The following ARHGAP11A variants were observed in gnomAD, a reference collection of about 807,000 sequenced individuals.
ARHGAP11A encodes rho GTPase-activating protein 11A.
A neutral mutation model predicts 60.5 loss-of-function variants in ARHGAP11A; 36 were observed. The ratio of observed to expected loss-of-function variants is 0.59; its 90% CI spans 0.46 to 0.79. ARHGAP11A has a LOEUF of 0.79. ARHGAP11A is among the 30% of genes least tolerant of loss of function. The probability of loss-of-function intolerance (pLI) is 0.00; values close to 1 mark genes in which losing one functional copy is unlikely to be tolerated. For synonymous variants in ARHGAP11A, 362 were observed against 415.5 expected, an observed-to-expected ratio of 0.87 and a Z score of 1.57; for missense variants, 1,071 against 1,199.2, an observed-to-expected ratio of 0.89 and a Z score of 1.58.
At position 32,637,482 on chromosome 15, in the gene ARHGAP11A, G is replaced by T. The variant is rs76126135; in HGVS notation, c.2709G>T (p.Gln903His). 1.9e-6 allele frequency: 3 copies of T among 1,613,952 alleles called. No individual in the cohort carries two copies. Among genetic ancestry groups the T allele is most frequent in the Non-Finnish European group, 2.5e-6 (3 of 1,180,036 alleles). The change falls in exon 12 of 12, where the codon CAG becomes CAT. Residue 903 changes from glutamine to histidine, a missense_variant. Coordinates refer to ENST00000361627, the MANE Select transcript of ARHGAP11A (RefSeq NM_014783.6). The part of the protein sequence containing the change: ...VSCIKSGPKE[Q>H]KSMSCEESNI... Reference sequence around the variant, plus strand: ...GTATCAAATCAGGTCCTAAAGAACAGAAGTCCATGTCATGTGAAGAGTCAA... The same window carrying T: ...GTATCAAATCAGGTCCTAAAGAACATAAGTCCATGTCATGTGAAGAGTCAA...
rs1005489101 is a variant in ARHGAP11A at position 32,631,275 on chromosome 15, A to G, written c.1105+1513A>G. On this transcript the variant is annotated intron_variant, in intron 8 of 11. Coordinates refer to ENST00000361627, the MANE Select transcript of ARHGAP11A (RefSeq NM_014783.6). ...AAGGCAACATTAGTCTGTAGTCCAT[A>G]GAGTATCTATTCATAATTGTCTCTT... 6.6e-5 allele frequency among the ~76,000 whole-genome samples: 10 copies of G among 150,646 alleles called. 1 individual carries two copies. In the East Asian group the frequency reaches 1.2e-3, roughly 18 times the overall value.
chr15:32,631,802 AG>A (rs2053592484), intron 8 of ARHGAP11A, among the ~76,000 whole-genome samples: 1 of 151,496 alleles, frequency 6.6e-6, no homozygotes, highest in African/African-American at 2.4e-5. Flanking sequence ...CAGCCTCCTG[AG>A]TAGTTGGGAT....
Position 32,637,278 on chromosome 15 carries a change from T to C in ARHGAP11A, c.2505T>C (p.Arg835=). The part of the protein sequence containing the change: ...IKVKSPLKFQ[R]TPVRQSVRRI... ...TCAAGTCACCTCTTAAGTTTCAGCG[T>C]ACTCCTGTTCGTCAGTCCGTCAGAA... Residue 835 remains arginine (R), a synonymous_variant, in exon 12 of 12, where the codon CGT becomes CGC. Coordinates refer to ENST00000361627, the MANE Select transcript of ARHGAP11A (RefSeq NM_014783.6). 3 of 1,614,262 alleles carry C rather than the reference T, an allele frequency of 1.9e-6. No homozygotes were observed. Among genetic ancestry groups the C allele is most frequent in the Non-Finnish European group, 2.5e-6 (3 of 1,180,042 alleles).
At chr15:32,625,722 G>A (rs2053442729) in intron 6 of ARHGAP11A, 89 bp downstream of exon 6, 3 of 1,389,024 alleles carry the variant, frequency 2.2e-6, no homozygotes, top group Admixed American at 2.2e-5. Context: ...TGTGGTATGT[G>A]CCTTTTTGGT....
At chr15:32,631,766 C>G (rs1020678262) in intron 8 of ARHGAP11A, among the ~76,000 whole-genome samples, 44 of 152,244 alleles carry the variant, frequency 2.9e-4, no homozygotes, top group Non-Finnish European at 4.3e-4. Flanking sequence ...ACATCCACCT[C>G]CGATGTTCAA....
chr15:32,617,184 T>G (rs1466720851), intron 1 of ARHGAP11A, among the ~76,000 whole-genome samples: 3 of 152,186 alleles, frequency 2.0e-5, no homozygotes, highest in Admixed American at 2.0e-4. Flanking sequence ...GCTAATAAAA[T>G]TAATATACGT....
chr15:32,617,767 C>T (rs1023339597), intron 1 of ARHGAP11A, among the ~76,000 whole-genome samples: 1 of 152,108 alleles, frequency 6.6e-6, no homozygotes, highest in East Asian at 1.9e-4. Flanking sequence ...CCACTGCACT[C>T]GGCCTTTTCA....
rs550711515 is a variant in ARHGAP11A at position 32,639,268 on chromosome 15, G to A, written c.*1423G>A. On this transcript the variant is annotated 3_prime_UTR_variant, in exon 12 of 12. Coordinates refer to ENST00000361627, the MANE Select transcript of ARHGAP11A (RefSeq NM_014783.6). ...TTCAGATTGGTTGTTAGAATGTCAT[G>A]TTTAGATGTTGGAGCAGATTAGAGC... 2 of 152,194 alleles carry A rather than the reference G, an allele frequency of 1.3e-5. No individual in the cohort carries two copies. The highest frequency in any genetic ancestry group is 2.9e-5 in the Non-Finnish European group (2 of 68,048). The allele number at this position is 152,194 out of a possible 1,614,324, so 9.4% of individuals were successfully genotyped here. A position where few individuals can be genotyped will look rare whatever the true frequency, so the allele number is the denominator to read the frequency against.
chr15:32,636,532 G>C lies in ARHGAP11A; in HGVS notation c.1759G>C (p.Asp587His). 6.2e-7 allele frequency: 1 copy of C among 1,614,112 alleles called. No individual in the cohort carries two copies. Among genetic ancestry groups the C allele is most frequent in the Non-Finnish European group, 8.5e-7 (1 of 1,179,998 alleles). ...CATAACAAGTAGCCCTCTTAGCGGG[G>C]ATGAAAATAACATGACCAAAGAGAC... ...SNITSSPLSG[D>H]ENNMTKETLV... is the part of the protein sequence containing the mutation. Residue 587 changes from aspartate to histidine, a missense_variant, in exon 12 of 12, where the codon GAT becomes CAT. Around this residue, in one of 4 missense-constraint regions of ARHGAP11A, gnomAD observed 776 missense variants for 760.2 expected, o/e 1.02. Coordinates refer to ENST00000361627, the MANE Select transcript of ARHGAP11A (RefSeq NM_014783.6).
rs138539736 is a variant in ARHGAP11A, at chr15:32,637,468, G to C, written c.2695G>C (p.Gly899Arg). The C allele has an allele frequency of 5.0e-6, 8 of 1,613,828 alleles. No individual in the cohort carries two copies. Among genetic ancestry groups the C allele is most frequent in the Non-Finnish European group, 5.9e-6 (7 of 1,180,036 alleles). The change falls in exon 12 of 12, where the codon GGT becomes CGT. Residue 899 changes from glycine to arginine, a missense_variant. Physicochemically the swap from Gly to Arg is moderately radical, Grantham distance 125. Coordinates refer to ENST00000361627, the MANE Select transcript of ARHGAP11A (RefSeq NM_014783.6). Reference protein sequence around the residue: ...KDSSVSCIKSGPKEQKSMSCE... With the variant: ...KDSSVSCIKSRPKEQKSMSCE... The stretch of plus-strand genomic sequence containing the variant: ...TTCCTCTGTTTCATGTATCAAATCA[G>C]GTCCTAAAGAACAGAAGTCCATGTC...
In ARHGAP11A at chr15:32,615,875, T is replaced by C. The variant is rs1363755436; in HGVS notation, c.-337T>C. 3.0e-6 allele frequency: 1 copy of C among 329,138 alleles called. No individual in the cohort carries two copies. The highest frequency in any genetic ancestry group is 4.5e-5 in the Admixed American group (1 of 22,306). The allele number at this position is 329,138 out of a possible 1,614,324, so 20.4% of individuals were successfully genotyped here. ...TGGAAGTAGCAAGAAGTGGAGAGAA[T>C]CTGGCAATAGACGAGAAACCGAAAG... On this transcript the variant is annotated 5_prime_UTR_variant, in exon 1 of 12. Transcript: ENST00000361627.
chr15:32,628,854 A>C (rs753566581), intron 7 of ARHGAP11A, 52 bp downstream of exon 7: 1 of 1,235,196 alleles, frequency 8.1e-7, no homozygotes, highest in East Asian at 2.8e-5. Context: ...ATAGTATTCT[A>C]TAAAATACAA....
rs756344502 is a variant in ARHGAP11A at position 32,623,574 on chromosome 15, C to T, written c.283C>T (p.Leu95=). The T allele has an allele frequency of 6.7e-5, 108 of 1,613,744 alleles. No individual in the cohort carries two copies. The highest frequency in any genetic ancestry group is 9.0e-5 in the Non-Finnish European group (106 of 1,179,904). The change falls in exon 3 of 12, where the codon CTA becomes TTA. Residue 95 remains leucine, a synonymous_variant. Coordinates refer to ENST00000361627, the MANE Select transcript of ARHGAP11A (RefSeq NM_014783.6). ...TCGGAAATCAGGATCTGTGATTCGC[C>T]TAAAAGCACTAAAGGTGAGCATATT... ...LFRKSGSVIR[L]KALKNKVDHG...
Position 32,636,551 on chromosome 15 carries a change from A to G in ARHGAP11A, c.1778A>G (p.Lys593Arg). The G allele has an allele frequency of 6.2e-7, 1 of 1,614,162 alleles. No homozygotes were observed. Among genetic ancestry groups the G allele is most frequent in the Non-Finnish European group, 8.5e-7 (1 of 1,179,994 alleles). ...PLSGDENNMT[K>R]ETLVKVQKAF... ...AGCGGGGATGAAAATAACATGACCAAAGAGACTTTGGTGAAAGTTCAAAAA... is the reference window on the plus strand; with the variant it reads ...AGCGGGGATGAAAATAACATGACCAGAGAGACTTTGGTGAAAGTTCAAAAA... The change falls in exon 12 of 12, where the codon AAA (lysine) becomes AGA (arginine). Residue 593 changes from lysine (K) to arginine (R), a missense_variant. This residue lies in a region of ARHGAP11A where 776 missense variants were observed against 760.2 expected (regional missense o/e 1.02). Coordinates refer to ENST00000361627, the MANE Select transcript of ARHGAP11A (RefSeq NM_014783.6).
intron 2 of ARHGAP11A, 89 bp from the exon 3 acceptor site, chr15:32,623,403 G>C: frequency 8.0e-7 from 1 of 1,246,968 alleles, no homozygotes; most frequent in East Asian, 2.4e-5. Flanking sequence ...CCTCTGAAAG[G>C]TACGTAGTGC....
chr15:32,629,974 G>T (rs1451158211), intron 8 of ARHGAP11A, among the ~76,000 whole-genome samples: 1 of 128,694 alleles, frequency 7.8e-6, no homozygotes, highest in Non-Finnish European at 1.6e-5. Context: ...GTGTGTGTGT[G>T]TTATGACAAC....
At chr15:32,621,684 G>A (rs761404309) in intron 2 of ARHGAP11A, among the ~76,000 whole-genome samples, 16 of 152,412 alleles carry the variant, frequency 1.0e-4, no homozygotes, top group South Asian at 2.1e-4. Context: ...CATTAGCTGA[G>A]TGTGGTAGCA....
At chr15:32,618,327 A>G (rs2053211162) in intron 1 of ARHGAP11A, among the ~76,000 whole-genome samples, 1 of 152,230 alleles carries the variant, frequency 6.6e-6, no homozygotes, top group Admixed American at 6.5e-5. Flanking sequence ...AAGTAGACTT[A>G]CCAGCTTAAG....
chr15:32,634,920 C>T (rs1263143177), intron 10 of ARHGAP11A, among the ~76,000 whole-genome samples: 1 of 152,222 alleles, frequency 6.6e-6, no homozygotes, highest in Non-Finnish European at 1.5e-5. Flanking sequence ...TCTGTCATCT[C>T]TCAGCTGGAT....
Sources: allele counts gnomAD v4.1 joint callset (sites outside exome capture counted in the v4.1 genomes callset), GRCh38; gene constraint gnomAD v4.1.1; regional missense constraint gnomAD v4.1.1; transcripts MANE v1.5; gene names NCBI Gene and HGNC (gene_info 2026-07-23, HGNC 2026-07-21).